The following GLIS3 variants were observed in gnomAD, a reference collection of about 807,000 sequenced individuals.
The protein encoded by GLIS3 is GLIS family zinc finger 3, also known as zinc finger protein GLIS3.
In GLIS3, 53 loss-of-function variants were observed where a neutral mutation model predicts 78.6. The ratio of observed to expected loss-of-function variants is 0.67; its 90% confidence interval spans 0.54 to 0.85. The LOEUF (loss-of-function observed/expected upper bound fraction) is 0.85. Ranked by LOEUF, GLIS3 falls within the 40% of genes least tolerant of loss-of-function variation. The probability of loss-of-function intolerance (pLI) is 0.00; values close to 1 mark genes in which losing one functional copy is unlikely to be tolerated. For synonymous variants in GLIS3, 684 were observed against 509.9 expected, an observed-to-expected ratio of 1.34 and a Z score of -4.60; for missense variants, 1,703 against 1,231.1, an observed-to-expected ratio of 1.38 and a Z score of -5.74.
At chr9:3,927,903 T>A (rs2130761060) in intron 6 of GLIS3, among the ~76,000 whole-genome samples, 1 of 152,350 alleles carries the variant, frequency 6.6e-6, no homozygotes, top group South Asian at 2.1e-4. Context: ...CATTTGAGTT[T>A]AATTATTAAT....
chr9:4,409,354 C>T, the GLIS3 span, among the ~76,000 whole-genome samples: 4 of 152,192 alleles, frequency 2.6e-5, no homozygotes, highest in African/African-American at 9.6e-5. Flanking sequence ...AATGGGACGT[C>T]AGAATAATGT....
chr9:4,019,449 C>T (rs1461535780), intron 4 of GLIS3, among the ~76,000 whole-genome samples: 1 of 152,162 alleles, frequency 6.6e-6, no homozygotes, highest in African/African-American at 2.4e-5. Flanking sequence ...GCACTCACAC[C>T]ATAAATATGC....
At chr9:4,105,996 G>A (rs10814845) in intron 4 of GLIS3, among the ~76,000 whole-genome samples, 2 of 151,986 alleles carry the variant, frequency 1.3e-5, no homozygotes, top group Non-Finnish European at 2.9e-5. Flanking sequence ...AATCCATGCC[G>A]CAAGAACCTG....
intron 2 of GLIS3, among the ~76,000 whole-genome samples, chr9:4,131,617 T>C (rs1354242822): frequency 6.6e-6 from 1 of 152,232 alleles, no homozygotes; most frequent in African/African-American, 2.4e-5. Flanking sequence ...TCACCTTCAC[T>C]TTCTGCCATC....
At chr9:4,413,647 G>C in the GLIS3 span, among the ~76,000 whole-genome samples, 1 of 152,018 alleles carries the variant, frequency 6.6e-6, no homozygotes, top group African/African-American at 2.4e-5. Flanking sequence ...CATGACTTAG[G>C]AGGGAACCCT....
At position 3,844,881 on chromosome 9, in the gene GLIS3, C is replaced by T. The variant is rs555027301; in HGVS notation, c.2473+11128G>A. ...AGTCACCAATCTTTGCTTTACAAAT[C>T]GGCAAAATACTAACATTCAGTGTGA... On this transcript the variant is annotated intron_variant, in intron 9 of 10. Transcript: ENST00000381971. Among the ~76,000 whole-genome samples, 9 of 152,250 alleles carry T rather than the reference C, an allele frequency of 5.9e-5. No individual in the cohort carries two copies. In the South Asian group the frequency reaches 8.3e-4, roughly 14 times the overall value.
chr9:3,964,117 C>A (rs1239165935), intron 4 of GLIS3, among the ~76,000 whole-genome samples: 2 of 151,334 alleles, frequency 1.3e-5, no homozygotes, highest in Admixed American at 1.3e-4. Flanking sequence ...TCATTGCTGG[C>A]CCAAGCCATT....
At chr9:4,215,303 G>C (rs1336820273) in intron 2 of GLIS3, among the ~76,000 whole-genome samples, 2 of 149,774 alleles carry the variant, frequency 1.3e-5, no homozygotes, top group Non-Finnish European at 3.0e-5. Flanking sequence ...TGTGAGGGGA[G>C]AGATGAGAGG....
intron 4 of GLIS3, among the ~76,000 whole-genome samples, chr9:4,029,874 T>C (rs1823680200): frequency 6.6e-6 from 1 of 152,228 alleles, no homozygotes; most frequent in African/African-American, 2.4e-5. Context: ...TTCCAAATCT[T>C]AGCTACTGTA....
At chr9:4,085,644 T>C (rs1226016260) in intron 4 of GLIS3, among the ~76,000 whole-genome samples, 1 of 152,198 alleles carries the variant, frequency 6.6e-6, no homozygotes, top group Non-Finnish European at 1.5e-5. Flanking sequence ...AGGTGGGGCC[T>C]GGTGGGAGGT....
intron 2 of GLIS3, among the ~76,000 whole-genome samples, chr9:4,214,329 C>T (rs564780117): frequency 2.0e-5 from 3 of 152,324 alleles, no homozygotes; most frequent in East Asian, 3.9e-4. Context: ...CCCCAGCAGG[C>T]GGAGAATTTC....
intron 2 of GLIS3, among the ~76,000 whole-genome samples, chr9:4,195,962 C>T (rs1423222516): frequency 1.3e-5 from 2 of 152,054 alleles, no homozygotes; most frequent in African/African-American, 4.8e-5. Flanking sequence ...CCAATCAGCA[C>T]CCTGTGTCTA....
chr9:4,039,887 A>G (rs1824654563), intron 4 of GLIS3, among the ~76,000 whole-genome samples: 1 of 152,228 alleles, frequency 6.6e-6, no homozygotes, highest in Non-Finnish European at 1.5e-5. Context: ...TTAAGTGCAC[A>G]GTATAAATTG....
intron 4 of GLIS3, among the ~76,000 whole-genome samples, chr9:4,023,615 A>G (rs965092747): frequency 6.6e-6 from 1 of 152,252 alleles, no homozygotes; most frequent in Non-Finnish European, 1.5e-5. Flanking sequence ...CTGAAAGCCA[A>G]GTGCAATCCT....
intron 4 of GLIS3, among the ~76,000 whole-genome samples, chr9:4,077,777 G>C (rs572913280): frequency 8.5e-5 from 13 of 152,220 alleles, no homozygotes; most frequent in African/African-American, 2.9e-4. Flanking sequence ...TCTTCATCTT[G>C]GCAGCAGCAG....
At chr9:4,320,030 C>T (rs965924516) in intron 2 of GLIS3, among the ~76,000 whole-genome samples, 34 of 149,014 alleles carry the variant, frequency 2.3e-4, no homozygotes, top group African/African-American at 6.7e-4. Flanking sequence ...TGTGTGCGCG[C>T]GCACAAGAGT....
At chr9:4,332,188 A>G (rs1044382288) in intron 2 of GLIS3, among the ~76,000 whole-genome samples, 1 of 152,222 alleles carries the variant, frequency 6.6e-6, no homozygotes, top group Non-Finnish European at 1.5e-5. Context: ...CCAAAATAGA[A>G]GAAAATACCC....
chr9:3,842,532 C>T (rs1818786577), intron 9 of GLIS3, among the ~76,000 whole-genome samples: 1 of 152,142 alleles, frequency 6.6e-6, no homozygotes, highest in South Asian at 2.1e-4. Context: ...CCTCTTGAGT[C>T]ACAGGCAAAT....
chr9:3,915,059 T>C (rs1824412863), intron 6 of GLIS3, among the ~76,000 whole-genome samples: 1 of 152,140 alleles, frequency 6.6e-6, no homozygotes, highest in Non-Finnish European at 1.5e-5. Flanking sequence ...TTTGGTGAAA[T>C]AAAGCTCCTC....
Sources: gnomAD v4.1 joint callset for allele counts (sites outside exome capture counted in the v4.1 genomes callset) on GRCh38, gnomAD v4.1.1 for gene constraint, MANE v1.5 for transcripts, NCBI Gene and HGNC (gene_info 2026-07-23, HGNC 2026-07-21) for gene names.